The following FBLIM1 variants were observed in gnomAD, a reference collection of about 807,000 sequenced individuals.
FBLIM1 encodes filamin-binding LIM protein 1.
Under a neutral mutation model 37.4 loss-of-function variants are expected in FBLIM1, and 29 were observed. The observed-to-expected ratio is 0.77, with a 90% confidence interval of 0.58 to 1.06. FBLIM1 has a LOEUF of 1.06. Ranked by LOEUF, FBLIM1 falls within the 50% of genes least tolerant of loss-of-function variation. FBLIM1 has a pLI of 0.00. For missense variants in FBLIM1, 449 were observed against 505.6 expected (o/e 0.89, Z 1.07); for synonymous variants, 193 against 199.0 (o/e 0.97, Z 0.25).
intron 1 of FBLIM1, among the ~76,000 whole-genome samples, chr1:15,762,108 A>T (rs1365895290): frequency 1.3e-5 from 2 of 149,518 alleles, no homozygotes; most frequent in African/African-American, 4.9e-5. Context: ...TTTTTTTTCG[A>T]GACAGAGTTT....
rs1295854093 is a variant in FBLIM1, at chr1:15,767,374, A to G, written c.251-2A>G. On this transcript the variant is annotated splice_acceptor_variant, in intron 3 of 8. Transcript: ENST00000375766. LOFTEE classifies it high-confidence loss of function. ...CCAGCCCTCTCTCCTCCCCCATTGC[A>G]GGATGCCCACCCCCTCCTCCTGTCC... 1 of 1,552,340 alleles carries G rather than the reference A, an allele frequency of 6.4e-7. No individual in the cohort carries two copies. Among genetic ancestry groups the G allele is most frequent in the Admixed American group, 1.9e-5 (1 of 52,640 alleles).
chr1:15,781,777 G>A (rs1289430703), intron 8 of FBLIM1, among the ~76,000 whole-genome samples: 2 of 141,690 alleles, frequency 1.4e-5, no homozygotes, highest in Non-Finnish European at 3.0e-5. Context: ...GGAGTGCAGT[G>A]GTGCAATCTC....
intron 8 of FBLIM1, among the ~76,000 whole-genome samples, chr1:15,779,818 C>T (rs2069590868): frequency 6.6e-6 from 1 of 152,114 alleles, no homozygotes; most frequent in African/African-American, 2.4e-5. Context: ...GCTTGGTGAT[C>T]AGAAGGGTCC....
chr1:15,765,050 G>C lies in FBLIM1; in HGVS notation c.67G>C (p.Asp23His). Residue 23 changes from aspartate (D) to histidine (H), a missense_variant, in exon 3 of 9, where the codon GAT becomes CAT. Coordinates refer to ENST00000375766, the MANE Select transcript of FBLIM1 (RefSeq NM_017556.4). This position sits in a 1 kb window ranked among gnomAD's most constrained non-coding sequence, Gnocchi z 5.9. ...TATCACCCTGGCACCCCCGCGCCGC[G>C]ATGTGGCCGTGGCGGAGGAAGTGAG... ...VFITLAPPRR[D>H]VAVAEEVRQA... 4 of 1,614,114 alleles carry C rather than the reference G, an allele frequency of 2.5e-6. No individual in the cohort carries two copies. The East Asian group carries it at 8.9e-5, about 36-fold the overall frequency.
intron 7 of FBLIM1, chr1:15,775,133 T>C: frequency 5.3e-6 from 2 of 378,248 alleles, no homozygotes; most frequent in Non-Finnish European, 9.4e-6. Context: ...GGCAGGAGAA[T>C]GGCGTGAACC....
intron 6 of FBLIM1, among the ~76,000 whole-genome samples, chr1:15,772,740 G>A (rs780293780): frequency 6.6e-6 from 1 of 152,026 alleles, no homozygotes; most frequent in Non-Finnish European, 1.5e-5. Context: ...GATTACTTGA[G>A]GTCAGAAGTT....
intron 6 of FBLIM1, 89 bp from the exon 7 acceptor site, chr1:15,774,529 C>A: frequency 1.3e-6 from 2 of 1,508,024 alleles, no homozygotes; most frequent in East Asian, 2.3e-5. Flanking sequence ...AGTTCCTGGG[C>A]CCCTGAGGGC....
At chr1:15,760,188 G>A (rs1463139258) in intron 1 of FBLIM1, among the ~76,000 whole-genome samples, 1 of 151,582 alleles carries the variant, frequency 6.6e-6, no homozygotes, top group South Asian at 2.1e-4. Context: ...GCACCACTGC[G>A]CAGCCTGGGC....
intron 3 of FBLIM1, among the ~76,000 whole-genome samples, chr1:15,767,117 T>C (rs1008267713): frequency 1.8e-4 from 28 of 151,912 alleles, no homozygotes; most frequent in African/African-American, 6.8e-4. Context: ...GCTCTTGAAC[T>C]TCTGGGTTCA....
chr1:15,764,771 T>C, intron 2 of FBLIM1, 86 bp downstream of exon 2: 2 of 686,928 alleles, frequency 2.9e-6, no homozygotes, highest in South Asian at 2.0e-5. Context: ...GTGGCCAAGT[T>C]CCCTGGTGGG....
rs1190827580 is a variant in FBLIM1 at position 15,774,786 on chromosome 1, G to A, written c.880G>A (p.Asp294Asn). Residue 294 changes from aspartate (D) to asparagine (N), a missense_variant, in exon 7 of 9, where the codon GAC becomes AAC. By Grantham distance (23) the Asp-to-Asn change is conservative (BLOSUM62 1). Coordinates refer to ENST00000375766, the MANE Select transcript of FBLIM1 (RefSeq NM_017556.4). ...GSQNEVYCLDDFYRKFAPVCS... is the reference protein window; with the variant it reads ...GSQNEVYCLDNFYRKFAPVCS... ...CCAGAACGAGGTGTACTGCCTGGAC[G>A]ACTTCTACAGGTACGAGAAGGGTTT... The A allele has an allele frequency of 6.2e-7, 1 of 1,614,134 alleles. No individual in the cohort carries two copies. Among genetic ancestry groups the A allele is most frequent in the Admixed American group, 1.7e-5 (1 of 60,016 alleles).
At chr1:15,758,032 G>A (rs952830054), upstream of FBLIM1, 1 of 152,292 alleles carries the variant, frequency 6.6e-6, no homozygotes, top group South Asian at 2.1e-4. The surrounding 1 kb of genome is among the most constrained non-coding windows in gnomAD (Gnocchi z 6.2). Flanking sequence ...CCGCTCAGGA[G>A]AGCAGAACAA....
chr1:15,780,808 G>C (rs1176511576), intron 8 of FBLIM1, among the ~76,000 whole-genome samples: 1 of 152,198 alleles, frequency 6.6e-6, no homozygotes, highest in Non-Finnish European at 1.5e-5. Context: ...TATCAAAGGA[G>C]CTGGGTAGAG....
intron 8 of FBLIM1, among the ~76,000 whole-genome samples, chr1:15,783,508 G>A (rs1342566370): frequency 6.6e-6 from 1 of 151,720 alleles, no homozygotes; most frequent in African/African-American, 2.4e-5. Flanking sequence ...AGATACCCAT[G>A]GCCTGTGCTG....
At chr1:15,777,719 C>G (rs1050533121) in intron 8 of FBLIM1, among the ~76,000 whole-genome samples, 1 of 151,790 alleles carries the variant, frequency 6.6e-6, no homozygotes, top group Admixed American at 6.6e-5. Flanking sequence ...ATTACAGGCG[C>G]GCACCACCAC....
chr1:15,765,359 A>C lies in FBLIM1; in HGVS notation c.250+126A>C. ...CAAAATTCACACATCAACGGGAAAC[A>C]AAAAGATGTGCCCCTTCTGGGTGGG... is the stretch of plus-strand genomic sequence containing the variant. On this transcript the variant is annotated intron_variant, in intron 3 of 8. Transcript: ENST00000375766. This position sits in a 1 kb window ranked among gnomAD's most constrained non-coding sequence, Gnocchi z 5.9. 1.5e-6 allele frequency: 2 copies of C among 1,338,606 alleles called. No individual in the cohort carries two copies. Among genetic ancestry groups the C allele is most frequent in the Non-Finnish European group, 2.0e-6 (2 of 995,698 alleles). 82.9% of individuals were successfully genotyped at this position (1,338,606 alleles called of 1,614,324 possible).
In FBLIM1 at chr1:15,759,625, A is replaced by G. The variant is rs533858273; in HGVS notation, c.-211+777A>G. Among the ~76,000 whole-genome samples, 91 of 152,210 alleles carry G rather than the reference A, an allele frequency of 6.0e-4. 1 individual carries two copies. The highest frequency in any genetic ancestry group is 2.1e-3 in the African/African-American group (87 of 41,546). ...GCTGTCCTTCTCTTTGCACCTTCCA[A>G]GGGCCTAGACCCTGAGTCTTCTTTC... On this transcript the variant is annotated intron_variant, in intron 1 of 8. Coordinates refer to ENST00000375766, the MANE Select transcript of FBLIM1 (RefSeq NM_017556.4).
chr1:15,769,250 G>A (rs2069082200), intron 5 of FBLIM1, among the ~76,000 whole-genome samples: 1 of 151,992 alleles, frequency 6.6e-6, no homozygotes, highest in East Asian at 1.9e-4. Context: ...GCTGAGGCAG[G>A]TGGATCACCT....
chr1:15,774,675 GC>G lies in FBLIM1; in HGVS notation c.772del (p.Leu258TrpfsTer13), dbSNP rs1225910299. ...GGTGGTCCGGGACCACATCATCAGG[GC>G]CCTGGGCCAGGCCTTCCACCCCTCC... is the stretch of plus-strand genomic sequence containing the variant. ...GEVVRDHIIR[A>X]LGQAFHPSCF... On this transcript the variant is annotated frameshift_variant, in exon 7 of 9. Coordinates refer to ENST00000375766, the MANE Select transcript of FBLIM1 (RefSeq NM_017556.4). LOFTEE classifies it high-confidence loss of function. 6.2e-7 allele frequency: 1 copy of G among 1,614,078 alleles called. No homozygotes were observed. The highest frequency in any genetic ancestry group is 8.5e-7 in the Non-Finnish European group (1 of 1,180,020).
Sources: gnomAD v4.1 joint callset for allele counts (sites outside exome capture counted in the v4.1 genomes callset) on GRCh38, gnomAD v4.1.1 for gene constraint, Gnocchi (gnomAD v3.1) non-coding constraint, MANE v1.5 for transcripts, NCBI Gene and HGNC (gene_info 2026-07-23, HGNC 2026-07-21) for gene names.